Variants in KIAA0319 observed in about 807,000 individuals in gnomAD.
The protein encoded by KIAA0319 is KIAA0319.
A neutral mutation model predicts 108.4 loss-of-function variants in KIAA0319; 83 were observed. The observed-to-expected ratio is 0.77, with a 90% CI of 0.64 to 0.92. KIAA0319 has a LOEUF of 0.92. KIAA0319 is among the 40% of genes least tolerant of loss of function. KIAA0319 has a pLI of 0.00. For synonymous variants in KIAA0319, 484 were observed against 510.4 expected (o/e 0.95, Z 0.70); for missense variants, 1,195 against 1,322.4 (o/e 0.90, Z 1.49).
chr6:24,640,621 G>T (rs1277466513), intron 1 of KIAA0319, among the ~76,000 whole-genome samples: 2 of 152,064 alleles, frequency 1.3e-5, no homozygotes, highest in South Asian at 4.1e-4. Context: ...TTTCATTGTG[G>T]TAAAATATAT....
intron 10 of KIAA0319, 69 bp from the exon 11 acceptor site, chr6:24,572,767 T>G (rs956631380): frequency 1.5e-6 from 2 of 1,377,210 alleles, no homozygotes; most frequent in African/African-American, 3.0e-5. Flanking sequence ...AAGTAAATAG[T>G]ATGACAGAAT....
chr6:24,646,150 G>A lies in KIAA0319; in HGVS notation c.-520C>T, dbSNP rs923120623. On this transcript the variant is annotated 5_prime_UTR_variant, in exon 1 of 21. Transcript: ENST00000378214. ...CGGGGGATCCCCGCCCACCGCCCGC[G>A]GCAGCTTCTGCAGGCTCGGGGAAAG... 4.6e-5 allele frequency: 7 copies of A among 152,364 alleles called. No homozygotes were observed. The South Asian group carries it at 6.2e-4, about 14-fold the overall frequency. 9.4% of individuals were successfully genotyped at this position (152,364 alleles called of 1,614,324 possible). A position where few individuals can be genotyped will look rare whatever the true frequency, so the allele number is the denominator to read the frequency against.
chr6:24,635,419 T>C (rs753502467), intron 1 of KIAA0319, among the ~76,000 whole-genome samples: 7 of 152,348 alleles, frequency 4.6e-5, no homozygotes, highest in African/African-American at 7.2e-5. Flanking sequence ...AGGCAGTTTC[T>C]TGTAGGACTC....
intron 1 of KIAA0319, among the ~76,000 whole-genome samples, chr6:24,636,794 A>T (rs1012630085): frequency 4.6e-5 from 7 of 151,760 alleles, no homozygotes; most frequent in South Asian, 2.1e-4. Flanking sequence ...TTTTTTAAAA[A>T]TTTTTTTTCT....
At chr6:24,568,657 G>C (rs771229814) in intron 13 of KIAA0319, 124 bp downstream of exon 13, 4 of 969,464 alleles carry the variant, frequency 4.1e-6, no homozygotes, top group Non-Finnish European at 4.5e-6. Context: ...GCCAGGCAGG[G>C]TTCGGCATCT....
intron 1 of KIAA0319, among the ~76,000 whole-genome samples, chr6:24,608,802 G>GCACCT (rs1319298133): frequency 6.6e-6 from 1 of 151,742 alleles, no homozygotes; most frequent in Non-Finnish European, 1.5e-5. Flanking sequence ...ATGGTGGCAG[G>GCACCT]CACCTGTAGT....
rs1247839494 is a variant in KIAA0319, at chr6:24,569,943, C to A, written c.1951G>T (p.Asp651Tyr). The change falls in exon 12 of 21, where the codon GAT (aspartate) becomes TAT (tyrosine). Residue 651 changes from aspartate (D) to tyrosine (Y), a missense_variant. Transcript: ENST00000378214. ...TGGTAGAAGACAATGCCGTGGTCATCGCTGCTGCTGCTCCCATCCAGGGTA... is the reference window on the plus strand; with the variant it reads ...TGGTAGAAGACAATGCCGTGGTCATAGCTGCTGCTGCTCCCATCCAGGGTA... The part of the protein sequence containing the change: ...SATLDGSSSS[D>Y]DHGIVFYHWE... The A allele has an allele frequency of 1.2e-6, 2 of 1,614,146 alleles. No individual in the cohort carries two copies. Among genetic ancestry groups the A allele is most frequent in the South Asian group, 2.2e-5 (2 of 91,086 alleles).
intron 1 of KIAA0319, among the ~76,000 whole-genome samples, chr6:24,641,379 TAGA>T (rs568326225): frequency 1.6e-3 from 244 of 152,276 alleles, no homozygotes; most frequent in Non-Finnish European, 2.5e-3. Flanking sequence ...AAGGTAACCC[TAGA>T]AGGAGATTAA....
At chr6:24,573,156 C>T (rs1320652476) in intron 10 of KIAA0319, among the ~76,000 whole-genome samples, 1 of 152,172 alleles carries the variant, frequency 6.6e-6, no homozygotes, top group African/African-American at 2.4e-5. Flanking sequence ...TGAAAGTCTA[C>T]TGTGCATCCT....
chr6:24,615,355 A>G (rs1773011558), intron 1 of KIAA0319, among the ~76,000 whole-genome samples: 1 of 152,216 alleles, frequency 6.6e-6, no homozygotes, highest in Non-Finnish European at 1.5e-5. Flanking sequence ...AAATGCAAGG[A>G]AAGTCAGTGA....
chr6:24,621,524 T>C (rs558094097), intron 1 of KIAA0319, among the ~76,000 whole-genome samples: 1 of 152,298 alleles, frequency 6.6e-6, no homozygotes, highest in Non-Finnish European at 1.5e-5. Flanking sequence ...TAAGAAAATC[T>C]TGGAAAGCTC....
chr6:24,570,585 T>TA (rs35209953), intron 11 of KIAA0319, among the ~76,000 whole-genome samples: 86,389 of 137,856 alleles, frequency 0.63, 27,518 homozygotes, highest in Middle Eastern at 0.72. Context: ...AAGATCCGTC[T>TA]AAAAAAAAAA....
chr6:24,567,015 T>A (rs1763990266), intron 13 of KIAA0319, among the ~76,000 whole-genome samples: 1 of 152,196 alleles, frequency 6.6e-6, no homozygotes, highest in Non-Finnish European at 1.5e-5. Flanking sequence ...AATATTGTTA[T>A]ACCTTTTCTG....
chr6:24,593,685 G>A (rs1281031243), intron 3 of KIAA0319, among the ~76,000 whole-genome samples: 1 of 151,576 alleles, frequency 6.6e-6, no homozygotes, highest in Non-Finnish European at 1.5e-5. Context: ...ACAGGCATGA[G>A]ACACTGCTCC....
chr6:24,562,571 T>A (rs1380572245), intron 16 of KIAA0319, among the ~76,000 whole-genome samples: 1 of 152,174 alleles, frequency 6.6e-6, no homozygotes, highest in Non-Finnish European at 1.5e-5. Flanking sequence ...CAGGCATGGT[T>A]GCTCACACTT....
chr6:24,627,897 T>C (rs578202557), intron 1 of KIAA0319, among the ~76,000 whole-genome samples: 11 of 152,326 alleles, frequency 7.2e-5, no homozygotes, highest in African/African-American at 2.4e-4. Flanking sequence ...ATTAAACTAC[T>C]CAAATAACAG....
intron 1 of KIAA0319, among the ~76,000 whole-genome samples, chr6:24,606,695 C>T (rs1771456563): frequency 6.6e-6 from 1 of 152,202 alleles, no homozygotes; most frequent in Admixed American, 6.5e-5. Context: ...CCAGAATACC[C>T]AGCTAACAGA....
chr6:24,635,443 A>AT (rs964264211), intron 1 of KIAA0319, among the ~76,000 whole-genome samples: 48 of 150,234 alleles, frequency 3.2e-4, no homozygotes, highest in East Asian at 9.7e-4. Flanking sequence ...TTTTGGCTTA[A>AT]TTTTTTTTTT....
rs1760525281 is a variant in KIAA0319, at chr6:24,545,559, C to T, written c.*1606G>A. ...AAAAAATCACATTTTCCTTCTAACA[C>T]TATAGACAGTATTGAATTGGCTAGT... On this transcript the variant is annotated 3_prime_UTR_variant, in exon 21 of 21. Coordinates refer to ENST00000378214, the MANE Select transcript of KIAA0319 (RefSeq NM_014809.4). 1 of 152,106 alleles carries T rather than the reference C, an allele frequency of 6.6e-6. No individual in the cohort carries two copies. The highest frequency in any genetic ancestry group is 1.5e-5 in the Non-Finnish European group (1 of 68,020). The allele number at this position is 152,106 out of a possible 1,614,324, so 9.4% of individuals were successfully genotyped here. A position where few individuals can be genotyped will look rare whatever the true frequency, so the allele number is the denominator to read the frequency against.
Sources: gnomAD v4.1 joint callset for allele counts (sites outside exome capture counted in the v4.1 genomes callset) on GRCh38, gnomAD v4.1.1 for gene constraint, MANE v1.5 for transcripts, NCBI Gene and HGNC (gene_info 2026-07-23, HGNC 2026-07-21) for gene names.